EPHA2: variants seen among roughly 807,000 people sequenced by gnomAD.
EPHA2 encodes the protein ephrin type-A receptor 2.
In EPHA2, 54 loss-of-function variants were observed where a neutral mutation model predicts 104.9. The observed-to-expected ratio is 0.51, with a 90% CI of 0.41 to 0.65. EPHA2 has a LOEUF of 0.65. EPHA2 is among the 30% of genes least tolerant of loss of function. EPHA2 has a pLI of 0.00. For synonymous variants in EPHA2, 560 were observed against 559.1 expected, an observed-to-expected ratio of 1.00 and a Z score of -0.02; for missense variants, 1,117 against 1,369.5, an observed-to-expected ratio of 0.82 and a Z score of 2.91.
chr1:16,137,001 T>C (rs1005173810), intron 5 of EPHA2, among the ~76,000 whole-genome samples: 3 of 151,802 alleles, frequency 2.0e-5, no homozygotes, highest in Non-Finnish European at 4.4e-5. Flanking sequence ...GGTTTCTCCA[T>C]GTTGGTCAGG....
In EPHA2 at chr1:16,131,496, C is replaced by T. The variant is rs1222231780; in HGVS notation, c.2475+225G>A. ...TCGGGAGGCTGAGGCAGGAGAATTG[C>T]TTGAACCTGGGAGGTGGAGGTTGCA... On this transcript the variant is annotated intron_variant, in intron 14 of 16. Transcript: ENST00000358432. This position sits in a 1 kb window ranked among gnomAD's most constrained non-coding sequence, Gnocchi z 5.2. 6.6e-6 allele frequency among the ~76,000 whole-genome samples: 1 copy of T among 152,078 alleles called. No individual in the cohort carries two copies. The highest frequency in any genetic ancestry group is 6.5e-5 in the Admixed American group (1 of 15,276).
chr1:16,133,370 T>C lies in EPHA2; in HGVS notation c.1865-2A>G. ...CCTTGTACACCTCCCCAAACTCTCCTGTGGGCAGACAGGGTCAGGGGAGTG... is the reference window on the plus strand; with the variant it reads ...CCTTGTACACCTCCCCAAACTCTCCCGTGGGCAGACAGGGTCAGGGGAGTG... On this transcript the variant is annotated splice_acceptor_variant, in intron 10 of 16. Coordinates refer to ENST00000358432, the MANE Select transcript of EPHA2 (RefSeq NM_004431.5). LOFTEE classifies it high-confidence loss of function. 1 of 1,613,874 alleles carries C rather than the reference T, an allele frequency of 6.2e-7. No homozygotes were observed. The highest frequency in any genetic ancestry group is 8.5e-7 in the Non-Finnish European group (1 of 1,179,966).
At chr1:16,127,184 ATCAT>A (rs1428471256) in intron 16 of EPHA2, among the ~76,000 whole-genome samples, 1 of 152,104 alleles carries the variant, frequency 6.6e-6, no homozygotes, top group Admixed American at 6.5e-5. Flanking sequence ...CACGTGTCAG[ATCAT>A]TCATTCATTC....
intron 1 of EPHA2, among the ~76,000 whole-genome samples, chr1:16,153,765 A>T (rs1199391042): frequency 1.3e-5 from 2 of 152,144 alleles, no homozygotes; most frequent in African/African-American, 4.8e-5. Flanking sequence ...GCAAGAAAGA[A>T]GTCTGAAGCA....
chr1:16,146,459 A>AC, intron 3 of EPHA2: 1 of 150,590 alleles, frequency 6.6e-6, no homozygotes, highest in Admixed American at 6.6e-5. Flanking sequence ...CCTCACCCCC[A>AC]CCCCCGCATT....
At chr1:16,140,879 G>A (rs2024811827) in intron 3 of EPHA2, among the ~76,000 whole-genome samples, 1 of 152,104 alleles carries the variant, frequency 6.6e-6, no homozygotes, top group Admixed American at 6.5e-5. Context: ...GGGATTACAG[G>A]CGTGAGCCAC....
intron 5 of EPHA2, among the ~76,000 whole-genome samples, chr1:16,137,575 G>A (rs2024736893): frequency 6.6e-6 from 1 of 152,200 alleles, no homozygotes; most frequent in Admixed American, 6.5e-5. Flanking sequence ...TCCAGCCTGG[G>A]CAACAGAGCG....
At position 16,129,494 on chromosome 1, in the gene EPHA2, G is replaced by A. The variant is rs562985602; in HGVS notation, c.2765C>T (p.Thr922Met). The A allele has an allele frequency of 3.1e-5, 50 of 1,613,852 alleles. No individual in the cohort carries two copies. In the South Asian group the frequency reaches 3.5e-4, roughly 11 times the overall value. The change falls in exon 16 of 17, where the codon ACG (threonine) becomes ATG (methionine). Residue 922 changes from threonine (T) to methionine (M), a missense_variant. This residue lies in a region of EPHA2 where 340 missense variants were observed against 480.5 expected (regional missense o/e 0.71). Transcript: ENST00000358432. ...GTAGCCGGCCGCCATGAAGTGCTCC[G>A]TATACTGCTGCATCTTGATGGACTC... is the stretch of plus-strand genomic sequence containing the variant. ...WLESIKMQQY[T>M]EHFMAAGYTA...
rs774304481 is a variant in EPHA2 at position 16,133,586 on chromosome 1, T to A, written c.1759A>T (p.Thr587Ser). The A allele has an allele frequency of 5.6e-6, 9 of 1,613,922 alleles. No homozygotes were observed. The African/African-American group carries it at 1.2e-4, about 22-fold the overall frequency. ...SKSEQLKPLK[T>S]YVDPHTYEDP... Reference sequence around the variant, plus strand: ...TCATATGTGTGGGGGTCCACGTATGTCTTCAGGGGCTTCAGTTGTTCTGGA... The same window carrying A: ...TCATATGTGTGGGGGTCCACGTATGACTTCAGGGGCTTCAGTTGTTCTGGA... The change falls in exon 10 of 17, where the codon ACA becomes TCA. Residue 587 changes from threonine to serine, a missense_variant. Around this residue, in one of 3 missense-constraint regions of EPHA2, gnomAD observed 113 missense variants for 104.3 expected, o/e 1.08. Transcript: ENST00000358432.
intron 5 of EPHA2, among the ~76,000 whole-genome samples, chr1:16,137,576 C>T (rs975287348): frequency 6.6e-6 from 1 of 152,108 alleles, no homozygotes; most frequent in Non-Finnish European, 1.5e-5. Flanking sequence ...CCAGCCTGGG[C>T]AACAGAGCGA....
rs769188202 is a variant in EPHA2, at chr1:16,135,208, C to T, written c.1429-19G>A. ...AGTCTCCCTGTGGGTGGGTGGCCGGCGGAGGAGCAGGCAGTGAGGGCAGGG... is the reference window on the plus strand; with the variant it reads ...AGTCTCCCTGTGGGTGGGTGGCCGGTGGAGGAGCAGGCAGTGAGGGCAGGG... On this transcript the variant is annotated intron_variant, in intron 6 of 16. Coordinates refer to ENST00000358432, the MANE Select transcript of EPHA2 (RefSeq NM_004431.5). This position sits in a 1 kb window ranked among gnomAD's most constrained non-coding sequence, Gnocchi z 4.3. The T allele has an allele frequency of 1.5e-5, 25 of 1,613,054 alleles. No homozygotes were observed. Among genetic ancestry groups the T allele is most frequent in the Middle Eastern group, 3.4e-4 (2 of 5,838 alleles).
chr1:16,133,096 T>C, intron 11 of EPHA2, 84 bp downstream of exon 11: 1 of 1,569,780 alleles, frequency 6.4e-7, no homozygotes, highest in Non-Finnish European at 8.6e-7. Context: ...TGGGCACAGG[T>C]ATAGGGGAGG....
chr1:16,125,151 G>T lies in EPHA2; in HGVS notation c.*64C>A. ...GTCCCCAGTGGCCCAGCATGGCACA[G>T]CAGGGAGGCCACTCTGTTTCTTCAA... On this transcript the variant is annotated 3_prime_UTR_variant, in exon 17 of 17. Coordinates refer to ENST00000358432, the MANE Select transcript of EPHA2 (RefSeq NM_004431.5). This position sits in a 1 kb window ranked among gnomAD's most constrained non-coding sequence, Gnocchi z 4.9. The T allele has an allele frequency of 6.9e-7, 1 of 1,459,694 alleles. No individual in the cohort carries two copies. The highest frequency in any genetic ancestry group is 1.7e-4 in the Middle Eastern group (1 of 5,814). The allele number at this position is 1,459,694 out of a possible 1,614,324, so 90.4% of individuals were successfully genotyped here.
At position 16,134,108 on chromosome 1, in the gene EPHA2, G is replaced by A. The variant is rs916675437; in HGVS notation, c.1683-193C>T. Among the ~76,000 whole-genome samples, 1 of 152,134 alleles carries A rather than the reference G, an allele frequency of 6.6e-6. No individual in the cohort carries two copies. The highest frequency in any genetic ancestry group is 1.5e-5 in the Non-Finnish European group (1 of 67,998). Reference sequence around the variant, plus strand: ...AGAAGGCGGGTGGAGGAACAGGGAGGAAGTGAGCGAGCCAGGACTCCCTCT... The same window carrying A: ...AGAAGGCGGGTGGAGGAACAGGGAGAAAGTGAGCGAGCCAGGACTCCCTCT... On this transcript the variant is annotated intron_variant, in intron 8 of 16. Coordinates refer to ENST00000358432, the MANE Select transcript of EPHA2 (RefSeq NM_004431.5). The surrounding 1 kb of genome is among the most constrained non-coding windows in gnomAD (Gnocchi z 4.5).
chr1:16,146,720 G>A (rs910434340), intron 3 of EPHA2, among the ~76,000 whole-genome samples: 1 of 152,194 alleles, frequency 6.6e-6, no homozygotes, highest in African/African-American at 2.4e-5. Context: ...CTTCTCATCG[G>A]GGGGTTTACA....
intron 3 of EPHA2, among the ~76,000 whole-genome samples, chr1:16,140,397 C>A (rs150332420): frequency 1.3e-5 from 2 of 152,196 alleles, no homozygotes; most frequent in Admixed American, 6.5e-5. Context: ...GTCCCAATGA[C>A]AGTACCTACT....
intron 12 of EPHA2, 25 bp from the exon 13 acceptor site, chr1:16,132,298 GCAGGCCAGCCCTGAACCCGC>G: frequency 6.2e-7 from 1 of 1,614,016 alleles, no homozygotes; most frequent in South Asian, 1.1e-5. Flanking sequence ...GCGCTCAGCT[GCAGGCCAGCCCTGAACCCGC>G]CAGGCCAGCC....
At position 16,155,740 on chromosome 1, in the gene EPHA2, G is replaced by C. The variant is rs565144074; in HGVS notation, c.85+108C>G. The C allele has an allele frequency of 2.7e-5, 24 of 903,614 alleles. No homozygotes were observed. The African/African-American group carries it at 3.9e-4, about 15-fold the overall frequency. The allele number at this position is 903,614 out of a possible 1,614,324, so 56.0% of individuals were successfully genotyped here. On this transcript the variant is annotated intron_variant, in intron 1 of 16. Transcript: ENST00000358432. ...CGCCCTCCGGACTCCAGTTCGCCGG[G>C]ACTGGGCGACACCAGGTAGGTTCCA...
In EPHA2 at chr1:16,135,760, C is replaced by A; in HGVS notation, c.1323G>T (p.Lys441Asn). 6.2e-7 allele frequency: 1 copy of A among 1,611,764 alleles called. No individual in the cohort carries two copies. The highest frequency in any genetic ancestry group is 2.2e-5 in the East Asian group (1 of 44,866). ...TGGTGCTGCGGCCCTCCAGCCTCAC[C>A]TTGGGGGGCTCTGGGCAGGACAGGC... ...SVSINQTEPPKVRLEGRSTTS... is the reference protein window; with the variant it reads ...SVSINQTEPPNVRLEGRSTTS... Residue 441 changes from lysine (K) to asparagine (N), a missense_variant, in exon 6 of 17, where the codon AAG becomes AAT. Lys to Asn is a moderately conservative substitution (Grantham distance 94). Coordinates refer to ENST00000358432, the MANE Select transcript of EPHA2 (RefSeq NM_004431.5). This position sits in a 1 kb window ranked among gnomAD's most constrained non-coding sequence, Gnocchi z 4.3.
Sources: allele counts gnomAD v4.1 joint callset (sites outside exome capture counted in the v4.1 genomes callset), GRCh38; gene constraint gnomAD v4.1.1; regional missense constraint gnomAD v4.1.1; non-coding constraint Gnocchi (gnomAD v3.1); transcripts MANE v1.5; gene names NCBI Gene and HGNC (gene_info 2026-07-23, HGNC 2026-07-21).